The following TMCO5A variants were observed in gnomAD, a reference collection of about 807,000 sequenced individuals.
The protein encoded by TMCO5A is transmembrane and coiled-coil domains 5A.
In TMCO5A, 34 loss-of-function variants were observed where a neutral mutation model predicts 42.3. The ratio of observed to expected loss-of-function variants is 0.80; its 90% CI spans 0.61 to 1.07. The LOEUF is 1.07. Among genes scored for constraint, TMCO5A ranks in the 50% least tolerant of loss-of-function variants. TMCO5A has a pLI of 0.00. For synonymous variants in TMCO5A, 131 were observed against 115.6 expected (o/e 1.13, Z -0.86); for missense variants, 357 against 327.9 (o/e 1.09, Z -0.69).
At chr15:37,958,071 C>G (rs927616156) in intron 11 of TMCO5A, among the ~76,000 whole-genome samples, 23 of 152,114 alleles carry the variant, frequency 1.5e-4, no homozygotes, top group Non-Finnish European at 2.5e-4. Flanking sequence ...CTTCCTTACA[C>G]CTTATACAAA....
chr15:38,022,799 G>T, the TMCO5A span, among the ~76,000 whole-genome samples: 11 of 152,070 alleles, frequency 7.2e-5, no homozygotes, highest in African/African-American at 2.4e-4. Context: ...TCTCAATTTT[G>T]TTGTAAATGT....
intron 11 of TMCO5A, among the ~76,000 whole-genome samples, chr15:37,958,035 A>G (rs966424286): frequency 1.3e-5 from 2 of 152,216 alleles, no homozygotes; most frequent in African/African-American, 4.8e-5. Flanking sequence ...CTGGCTAGCC[A>G]TATGTAGAAA....
the TMCO5A span, among the ~76,000 whole-genome samples, chr15:38,023,721 T>C: frequency 2.0e-5 from 3 of 152,198 alleles, no homozygotes; most frequent in Non-Finnish European, 4.4e-5. Context: ...ATTTGGCGGA[T>C]GAAGGAGAGA....
At chr15:37,959,464 A>G (rs1458059043) in intron 11 of TMCO5A, among the ~76,000 whole-genome samples, 1 of 152,008 alleles carries the variant, frequency 6.6e-6, no homozygotes, top group East Asian at 1.9e-4. Flanking sequence ...ACAAAATACT[A>G]GCAAACCAAA....
At chr15:37,949,295 C>T (rs1204854469) in intron 11 of TMCO5A, among the ~76,000 whole-genome samples, 1 of 152,068 alleles carries the variant, frequency 6.6e-6, no homozygotes, top group Non-Finnish European at 1.5e-5. Context: ...ATAAATTCAA[C>T]TCAATTTCAA....
chr15:37,983,177 T>A, the TMCO5A span, among the ~76,000 whole-genome samples: 2 of 152,326 alleles, frequency 1.3e-5, no homozygotes, highest in East Asian at 3.9e-4. Context: ...GACACTCACC[T>A]TTCCCCCTTA....
chr15:38,023,650 G>A, the TMCO5A span, among the ~76,000 whole-genome samples: 2 of 152,208 alleles, frequency 1.3e-5, no homozygotes, highest in African/African-American at 4.8e-5. Context: ...AATGCGAGGA[G>A]TAGCAAAGAG....
chr15:38,034,148 C>T, the TMCO5A span, among the ~76,000 whole-genome samples: 341 of 152,082 alleles, frequency 2.2e-3, 1 homozygote, highest in Non-Finnish European at 2.0e-3. Context: ...GATGGAAGGG[C>T]AAAAAGGGCC....
the TMCO5A span, among the ~76,000 whole-genome samples, chr15:38,016,453 G>A: frequency 1.3e-5 from 2 of 152,134 alleles, no homozygotes; most frequent in Non-Finnish European, 2.9e-5. Context: ...ACCAGCCTAA[G>A]ACAGATAATC....
downstream of TMCO5A, among the ~76,000 whole-genome samples, chr15:37,971,453 C>A (rs1318683267): frequency 6.6e-6 from 1 of 152,206 alleles, no homozygotes; most frequent in Non-Finnish European, 1.5e-5. Context: ...GCCATGAAGA[C>A]CTCTGACATG....
the TMCO5A span, among the ~76,000 whole-genome samples, chr15:38,013,526 T>C: frequency 6.6e-6 from 1 of 152,200 alleles, no homozygotes; most frequent in Non-Finnish European, 1.5e-5. Context: ...TCATCAGTGA[T>C]GTGATAGGAG....
At chr15:37,953,262 C>G (rs889582215), downstream of TMCO5A, among the ~76,000 whole-genome samples, 10 of 152,096 alleles carry the variant, frequency 6.6e-5, no homozygotes, top group African/African-American at 1.2e-4. Flanking sequence ...TCGGGTAAGA[C>G]CCAGTGCTGT....
chr15:37,950,447 T>C (rs1595599630), intron 11 of TMCO5A, among the ~76,000 whole-genome samples: 1 of 151,954 alleles, frequency 6.6e-6, no homozygotes, highest in Admixed American at 6.6e-5. Flanking sequence ...ACAATACACA[T>C]AATGGAAAAG....
chr15:37,991,917 C>G, the TMCO5A span, among the ~76,000 whole-genome samples: 5 of 152,054 alleles, frequency 3.3e-5, no homozygotes, highest in South Asian at 2.1e-4. Context: ...GGAAAACAAT[C>G]TAGGCAATAG....
chr15:37,952,416 A>T (rs1890183402), downstream of TMCO5A, among the ~76,000 whole-genome samples: 1 of 152,114 alleles, frequency 6.6e-6, no homozygotes, highest in South Asian at 2.1e-4. Flanking sequence ...CAGAGTCATG[A>T]GGCCCCCTTT....
chr15:38,035,434 C>T, the TMCO5A span, among the ~76,000 whole-genome samples: 2 of 152,178 alleles, frequency 1.3e-5, no homozygotes, highest in African/African-American at 2.4e-5. Flanking sequence ...TTCCTCCCCA[C>T]CTGTCTTAGC....
the TMCO5A span, among the ~76,000 whole-genome samples, chr15:38,014,748 G>A: frequency 6.6e-6 from 1 of 151,316 alleles, no homozygotes; most frequent in Non-Finnish European, 1.5e-5. Flanking sequence ...TGGCAGTAGA[G>A]AAAGTTGAAT....
chr15:38,007,450 T>C, the TMCO5A span, among the ~76,000 whole-genome samples: 3 of 152,090 alleles, frequency 2.0e-5, no homozygotes, highest in African/African-American at 7.2e-5. Flanking sequence ...GTGAAGAACA[T>C]TAGATACACA....
the TMCO5A span, among the ~76,000 whole-genome samples, chr15:37,988,456 C>T: frequency 9.5e-4 from 145 of 152,110 alleles, no homozygotes; most frequent in African/African-American, 3.3e-3. Flanking sequence ...TAGTCTTTCA[C>T]CATTGAGTAT....
Sources: allele counts gnomAD v4.1 joint callset (sites outside exome capture counted in the v4.1 genomes callset), GRCh38; gene constraint gnomAD v4.1.1; transcripts MANE v1.5; gene names NCBI Gene and HGNC (gene_info 2026-07-23, HGNC 2026-07-21).